The following PDE3A variants were observed in gnomAD, a reference collection of about 807,000 sequenced individuals.
The protein encoded by PDE3A is phosphodiesterase 3A, also known as cGMP-inhibited 3',5'-cyclic phosphodiesterase 3A.
A neutral mutation model predicts 98.3 loss-of-function variants in PDE3A; 43 were observed. The observed-to-expected ratio is 0.44, with a 90% CI of 0.34 to 0.56. The LOEUF is 0.56. Among genes scored for constraint, PDE3A ranks in the 20% least tolerant of loss-of-function variants. PDE3A has a pLI of 0.01. For synonymous variants in PDE3A, 663 were observed against 567.9 expected, an observed-to-expected ratio of 1.17 and a Z score of -2.38; for missense variants, 1,427 against 1,440.7, an observed-to-expected ratio of 0.99 and a Z score of 0.15.
intron 2 of PDE3A, among the ~76,000 whole-genome samples, chr12:20,574,021 C>T (rs1342005723): frequency 1.3e-5 from 2 of 152,072 alleles, no homozygotes; most frequent in African/African-American, 4.8e-5. Flanking sequence ...TTTATTATGT[C>T]CAGTACATGA....
intron 1 of PDE3A, among the ~76,000 whole-genome samples, chr12:20,383,985 T>C (rs1171565273): frequency 6.6e-6 from 1 of 151,852 alleles, no homozygotes; most frequent in Non-Finnish European, 1.5e-5. Flanking sequence ...TGGTTGGGAG[T>C]TGGACCAAAA....
At chr12:20,439,461 T>G (rs1944832149) in intron 1 of PDE3A, among the ~76,000 whole-genome samples, 1 of 152,202 alleles carries the variant, frequency 6.6e-6, no homozygotes, top group African/African-American at 2.4e-5. Context: ...CATTATTTCT[T>G]AATAGTCTTT....
intron 15 of PDE3A, among the ~76,000 whole-genome samples, chr12:20,666,382 C>A (rs1592163625): frequency 6.6e-6 from 1 of 152,304 alleles, no homozygotes; most frequent in East Asian, 1.9e-4. Context: ...TTTATTCTAA[C>A]TAGTATGTTT....
Position 20,482,908 on chromosome 12 carries a change from G to T in PDE3A, c.961-73752G>T, listed in dbSNP as rs556699332. Among the ~76,000 whole-genome samples the T allele has an allele frequency of 1.2e-4, 18 of 152,274 alleles. No homozygotes were observed. The South Asian group carries it at 3.5e-3, about 30-fold the overall frequency. The stretch of plus-strand genomic sequence containing the variant: ...GCAATGTTTCATGTTTCTGTGGAAA[G>T]ATTTTTTTCCTAGAAAGTGCAAAGT... On this transcript the variant is annotated intron_variant, in intron 1 of 15. Transcript: ENST00000359062.
chr12:20,633,502 C>CA (rs1944429030), intron 6 of PDE3A, among the ~76,000 whole-genome samples, 191 bp from the exon 7 acceptor site: 1 of 152,030 alleles, frequency 6.6e-6, no homozygotes, highest in Admixed American at 6.6e-5. Flanking sequence ...TACTCTCTCA[C>CA]AAAAAAGAAA....
intron 15 of PDE3A, among the ~76,000 whole-genome samples, chr12:20,667,316 G>A (rs1298002518): frequency 6.6e-6 from 1 of 151,886 alleles, no homozygotes; most frequent in Admixed American, 6.6e-5. Context: ...TTGTTGCCTG[G>A]GTTTTTGAGG....
chr12:20,653,840 C>T (rs1565464443), intron 14 of PDE3A, 107 bp from the exon 15 acceptor site: 1 of 1,155,296 alleles, frequency 8.7e-7, no homozygotes, highest in Non-Finnish European at 1.2e-6. Flanking sequence ...AGGTAGGATC[C>T]TTTAGCTGTC....
intron 2 of PDE3A, among the ~76,000 whole-genome samples, chr12:20,576,236 G>T (rs1288382676): frequency 6.6e-6 from 1 of 151,954 alleles, no homozygotes; most frequent in Non-Finnish European, 1.5e-5. Flanking sequence ...ACTATTGAGA[G>T]AATTGCTTAA....
In PDE3A at chr12:20,637,094, T is replaced by C; in HGVS notation, c.2002-6T>C. ...TGTTTAAGTATTTTAATGTTAAACA[T>C]TACAGGACAAACCAATTCTTGCTCC... is the stretch of plus-strand genomic sequence containing the variant. On this transcript the variant is annotated splice_polypyrimidine_tract_variant and splice_region_variant and intron_variant, in intron 8 of 15. Transcript: ENST00000359062. 1 of 1,595,100 alleles carries C rather than the reference T, an allele frequency of 6.3e-7. No individual in the cohort carries two copies.
intron 1 of PDE3A, among the ~76,000 whole-genome samples, chr12:20,382,634 T>A (rs1943682424): frequency 6.6e-6 from 1 of 151,966 alleles, no homozygotes. Flanking sequence ...ATGCACTCTC[T>A]AGACTGTCAC....
chr12:20,561,557 T>C (rs1942521676), intron 2 of PDE3A, among the ~76,000 whole-genome samples: 1 of 152,138 alleles, frequency 6.6e-6, no homozygotes, highest in Non-Finnish European at 1.5e-5. Context: ...TGGATATATG[T>C]CAGGTACTTT....
chr12:20,558,927 T>A (rs1299301725), intron 2 of PDE3A, among the ~76,000 whole-genome samples: 1 of 152,110 alleles, frequency 6.6e-6, no homozygotes, highest in East Asian at 1.9e-4. Context: ...TTCCTATGTT[T>A]ACAGCACTGT....
At chr12:20,394,721 A>G (rs1324483928) in intron 1 of PDE3A, among the ~76,000 whole-genome samples, 1 of 152,016 alleles carries the variant, frequency 6.6e-6, no homozygotes, top group Non-Finnish European at 1.5e-5. Context: ...TTCTGCTTCT[A>G]CTTGCTGTGA....
chr12:20,634,479 T>G (rs553975160), intron 7 of PDE3A, among the ~76,000 whole-genome samples: 1 of 152,290 alleles, frequency 6.6e-6, no homozygotes, highest in East Asian at 1.9e-4. Context: ...CCCAAGCATA[T>G]GCCATCACTC....
intron 1 of PDE3A, among the ~76,000 whole-genome samples, chr12:20,373,106 C>T (rs150308658): frequency 3.9e-5 from 6 of 151,982 alleles, no homozygotes; most frequent in Admixed American, 3.9e-4. Flanking sequence ...GTGGAAATAT[C>T]TTTATTCTCA....
intron 1 of PDE3A, among the ~76,000 whole-genome samples, chr12:20,542,290 T>G (rs1002307521): frequency 1.3e-5 from 2 of 152,054 alleles, no homozygotes; most frequent in Non-Finnish European, 2.9e-5. Flanking sequence ...GACTTAAAAA[T>G]GAATTCAATG....
chr12:20,572,184 T>C (rs1416982011), intron 2 of PDE3A: 7 of 1,167,022 alleles, frequency 6.0e-6, no homozygotes, highest in Non-Finnish European at 6.8e-6. Context: ...ATGAATAACC[T>C]TTTTGTTCTA....
intron 1 of PDE3A, among the ~76,000 whole-genome samples, chr12:20,435,661 A>T (rs1245292171): frequency 1.3e-5 from 2 of 152,272 alleles, no homozygotes; most frequent in Middle Eastern, 3.4e-3. Context: ...TACCTTGACC[A>T]ATCTATTTTC....
Position 20,400,412 on chromosome 12 carries a change from T to G in PDE3A, c.960+30168T>G, listed in dbSNP as rs1418772397. On this transcript the variant is annotated intron_variant, in intron 1 of 15. Transcript: ENST00000359062. ...TTTTTTTTTTTTTTTTTTTTTTTTTTTTTTTTTTTTTTGAGATGGAGTCTC... is the reference window on the plus strand; with the variant it reads ...TTTTTTTTTTTTTTTTTTTTTTTTTGTTTTTTTTTTTTGAGATGGAGTCTC... Among the ~76,000 whole-genome samples, 90 of 49,648 alleles carry G rather than the reference T, an allele frequency of 1.8e-3. 5 individuals carry two copies. Among genetic ancestry groups the G allele is most frequent in the Middle Eastern group, 9.8e-3 (1 of 102 alleles). 32.6% of individuals were successfully genotyped at this position (49,648 alleles called of 152,430 possible). A position where few individuals can be genotyped will look rare whatever the true frequency, so the allele number is the denominator to read the frequency against.
Sources: gnomAD v4.1 joint callset for allele counts (sites outside exome capture counted in the v4.1 genomes callset) on GRCh38, gnomAD v4.1.1 for gene constraint, MANE v1.5 for transcripts, NCBI Gene and HGNC (gene_info 2026-07-23, HGNC 2026-07-21) for gene names.